SH3RF3: variants seen among roughly 807,000 people sequenced by gnomAD.
The protein encoded by SH3RF3 is E3 ubiquitin-protein ligase SH3RF3.
Under a neutral mutation model 66.3 loss-of-function variants are expected in SH3RF3, and 29 were observed. That is an observed-to-expected ratio of 0.44 (90% confidence interval 0.33 to 0.60). SH3RF3 has a LOEUF of 0.60. Among genes scored for constraint, SH3RF3 ranks in the 20% least tolerant of loss-of-function variants. The pLI, the probability that SH3RF3 is intolerant of heterozygous loss-of-function variation, is 0.04. For missense variants in SH3RF3, 1,194 were observed against 1,190.9 expected (o/e 1.00, Z -0.04); for synonymous variants, 583 against 532.0 (o/e 1.10, Z -1.32).
In SH3RF3 at chr2:109,207,716, A is replaced by G. The variant is rs191583641; in HGVS notation, c.573+77603A>G. Among the ~76,000 whole-genome samples, 1,116 of 152,328 alleles carry G rather than the reference A, an allele frequency of 7.3e-3. 10 individuals carry two copies. Among genetic ancestry groups the G allele is most frequent in the South Asian group, 0.024 (115 of 4,822 alleles). On this transcript the variant is annotated intron_variant, in intron 1 of 9. Coordinates refer to ENST00000309415, the MANE Select transcript of SH3RF3 (RefSeq NM_001099289.3). Reference sequence around the variant, plus strand: ...CATGGAAACAAAACATTTGTATAGGAAGACTTACCTGAGACTGAATTATTT... The same window carrying G: ...CATGGAAACAAAACATTTGTATAGGGAGACTTACCTGAGACTGAATTATTT...
At chr2:109,283,933 G>A (rs1680955630) in intron 1 of SH3RF3, among the ~76,000 whole-genome samples, 1 of 152,118 alleles carries the variant, frequency 6.6e-6, no homozygotes, top group Admixed American at 6.5e-5. Flanking sequence ...ATCTCACTTG[G>A]GGAGGCCGTG....
chr2:109,488,007 G>A (rs941044276), intron 8 of SH3RF3, among the ~76,000 whole-genome samples: 7 of 152,218 alleles, frequency 4.6e-5, no homozygotes, highest in Non-Finnish European at 1.0e-4. Flanking sequence ...AAACAGAAGT[G>A]GGCAGAGAAA....
chr2:109,473,862 C>G (rs963103298), intron 8 of SH3RF3, among the ~76,000 whole-genome samples: 17 of 152,012 alleles, frequency 1.1e-4, no homozygotes, highest in Admixed American at 5.2e-4. Flanking sequence ...AACCGCTCTC[C>G]TTGTGCCCCT....
chr2:109,313,126 C>T (rs1432322074), intron 1 of SH3RF3, among the ~76,000 whole-genome samples: 6 of 152,166 alleles, frequency 3.9e-5, no homozygotes, highest in Admixed American at 2.6e-4. Context: ...GTAATATTTG[C>T]CCTGTGCCTG....
At chr2:109,188,771 C>G (rs945766459) in intron 1 of SH3RF3, among the ~76,000 whole-genome samples, 1 of 152,112 alleles carries the variant, frequency 6.6e-6, no homozygotes, top group African/African-American at 2.4e-5. Flanking sequence ...AGAAGCCAAG[C>G]GTTACACTTT....
At chr2:109,152,782 G>A (rs943000987) in intron 1 of SH3RF3, among the ~76,000 whole-genome samples, 115 of 152,292 alleles carry the variant, frequency 7.6e-4, no homozygotes, top group African/African-American at 2.6e-3. Flanking sequence ...TCCCAGGCCC[G>A]ATGGCCTGAT....
intron 1 of SH3RF3, among the ~76,000 whole-genome samples, chr2:109,242,014 G>A (rs949564538): frequency 8.6e-5 from 13 of 151,976 alleles, no homozygotes; most frequent in African/African-American, 3.1e-4. Context: ...CTGGGAAAGA[G>A]GATTCCCTTT....
At position 109,181,195 on chromosome 2, in the gene SH3RF3, T is replaced by C. The variant is rs114901115; in HGVS notation, c.573+51082T>C. Among the ~76,000 whole-genome samples, 957 of 152,254 alleles carry C rather than the reference T, an allele frequency of 6.3e-3. 14 individuals carry two copies. The highest frequency in any genetic ancestry group is 0.02 in the African/African-American group (832 of 41,536). On this transcript the variant is annotated intron_variant, in intron 1 of 9. Transcript: ENST00000309415. ...CAGAGTTTTTCAAATAAACCTGTTA[T>C]TTGGGAATGATCTTAGGTTTATGGA...
intron 3 of SH3RF3, among the ~76,000 whole-genome samples, chr2:109,392,358 G>A (rs1056888944): frequency 6.6e-6 from 1 of 152,182 alleles, no homozygotes; most frequent in Non-Finnish European, 1.5e-5. Context: ...GTGTAACTTG[G>A]AACAGGTCAC....
At chr2:109,242,605 G>A (rs2105225772) in intron 1 of SH3RF3, among the ~76,000 whole-genome samples, 1 of 152,334 alleles carries the variant, frequency 6.6e-6, no homozygotes, top group Non-Finnish European at 1.5e-5. Context: ...GAGACCTCCT[G>A]CTTTGACTTT....
intron 1 of SH3RF3, among the ~76,000 whole-genome samples, chr2:109,255,884 C>T (rs1038540834): frequency 1.3e-5 from 2 of 152,182 alleles, no homozygotes; most frequent in African/African-American, 4.8e-5. Context: ...TTGCCCTTTT[C>T]ATTCTCCCTG....
intron 8 of SH3RF3, among the ~76,000 whole-genome samples, chr2:109,467,062 T>C (rs1678369880): frequency 6.6e-6 from 1 of 152,234 alleles, no homozygotes; most frequent in African/African-American, 2.4e-5. Context: ...AAATGTAAAA[T>C]GGCACAACTA....
At chr2:109,267,996 A>G (rs558665198) in intron 1 of SH3RF3, among the ~76,000 whole-genome samples, 8 of 151,942 alleles carry the variant, frequency 5.3e-5, no homozygotes, top group African/African-American at 1.7e-4. Context: ...GGTGAAACGG[A>G]CATCCCCACT....
intron 1 of SH3RF3, among the ~76,000 whole-genome samples, chr2:109,258,248 G>A (rs1680267861): frequency 6.6e-6 from 1 of 152,208 alleles, no homozygotes; most frequent in Non-Finnish European, 1.5e-5. Flanking sequence ...GGCGCTGTTT[G>A]TAGGGGCTGA....
chr2:109,169,723 T>TAA (rs1677715961), intron 1 of SH3RF3, among the ~76,000 whole-genome samples: 2 of 150,392 alleles, frequency 1.3e-5, no homozygotes, highest in Non-Finnish European at 2.9e-5. Flanking sequence ...TCTATATATA[T>TAA]AACCAAAATA....
chr2:109,292,845 G>A (rs1246021679), intron 1 of SH3RF3, among the ~76,000 whole-genome samples: 3 of 152,132 alleles, frequency 2.0e-5, no homozygotes, highest in Non-Finnish European at 4.4e-5. Flanking sequence ...CGATTCTCTT[G>A]CCTCAGCCTC....
In SH3RF3 at chr2:109,489,443, C is replaced by T. The variant is rs150269802; in HGVS notation, c.2149-1162C>T. 3.1e-3 allele frequency among the ~76,000 whole-genome samples: 470 copies of T among 152,308 alleles called. 2 individuals are homozygous for T. The highest frequency in any genetic ancestry group is 0.011 in the African/African-American group (448 of 41,570). ...AGACCCCAGCGTGGCTTGGGCCTCA[C>T]GGAAAGTCCCATCAGGAACCGTGTC... On this transcript the variant is annotated intron_variant, in intron 8 of 9. Transcript: ENST00000309415.
At chr2:109,136,417 A>G (rs1676815771) in intron 1 of SH3RF3, among the ~76,000 whole-genome samples, 1 of 152,196 alleles carries the variant, frequency 6.6e-6, no homozygotes, top group African/African-American at 2.4e-5. Context: ...CAGGGTGTCG[A>G]GCTGAAGGTA....
intron 1 of SH3RF3, among the ~76,000 whole-genome samples, chr2:109,183,371 T>C (rs1029163961): frequency 6.6e-5 from 10 of 152,194 alleles, no homozygotes; most frequent in Non-Finnish European, 1.2e-4. Flanking sequence ...ACCAAAGAGA[T>C]GGTGAACTCT....
Sources: allele counts gnomAD v4.1 joint callset (sites outside exome capture counted in the v4.1 genomes callset), GRCh38; gene constraint gnomAD v4.1.1; transcripts MANE v1.5; gene names NCBI Gene and HGNC (gene_info 2026-07-23, HGNC 2026-07-21).